RNF220: variants seen among roughly 807,000 people sequenced by gnomAD.
The protein encoded by RNF220 is ring finger protein 220.
A neutral mutation model predicts 67.1 loss-of-function variants in RNF220; 7 were observed. The observed-to-expected ratio is 0.10, with a 90% CI of 0.06 to 0.20. The LOEUF is 0.20. Ranked by LOEUF, RNF220 falls within the 10% of genes least tolerant of loss-of-function variation. RNF220 has a pLI of 1.00. For synonymous variants in RNF220, 270 were observed against 283.2 expected, an observed-to-expected ratio of 0.95 and a Z score of 0.47; for missense variants, 565 against 740.3, an observed-to-expected ratio of 0.76 and a Z score of 2.75.
intron 6 of RNF220, 149 bp from the exon 7 acceptor site, chr1:44,635,396 G>C (rs1175784098): frequency 3.3e-6 from 4 of 1,223,238 alleles, no homozygotes; most frequent in Non-Finnish European, 4.5e-6. Flanking sequence ...AAAGGAGCAG[G>C]AGGTATTTCA....
At chr1:44,583,347 C>A (rs969510767) in intron 2 of RNF220, among the ~76,000 whole-genome samples, 15 of 152,164 alleles carry the variant, frequency 9.9e-5, no homozygotes, top group Non-Finnish European at 2.1e-4. Flanking sequence ...TTGCCCTTGG[C>A]TTCTCGCAAA....
At chr1:44,504,635 G>A (rs1658247668) in intron 2 of RNF220, among the ~76,000 whole-genome samples, 1 of 152,120 alleles carries the variant, frequency 6.6e-6, no homozygotes. Context: ...GTGAGGGAGA[G>A]AGCAAAGTCC....
chr1:44,410,153 C>T (rs1647823492), intron 1 of RNF220, among the ~76,000 whole-genome samples: 1 of 150,908 alleles, frequency 6.6e-6, no homozygotes, highest in African/African-American at 2.4e-5. Flanking sequence ...TGGGGGGGGT[C>T]GTATTTTGAG....
At chr1:44,494,031 A>AC (rs1348753931) in intron 2 of RNF220, among the ~76,000 whole-genome samples, 1 of 151,978 alleles carries the variant, frequency 6.6e-6, no homozygotes, top group East Asian at 1.9e-4. Context: ...ATATCGTGAA[A>AC]CCCCATCTCT....
chr1:44,503,308 T>C lies in RNF220; in HGVS notation c.625+90586T>C, dbSNP rs560944180. 1.2e-4 allele frequency among the ~76,000 whole-genome samples: 15 copies of C among 121,938 alleles called. 1 individual carries two copies. The East Asian group carries it at 3.4e-3, about 28-fold the overall frequency. 80.0% of individuals were successfully genotyped at this position (121,938 alleles called of 152,430 possible). On this transcript the variant is annotated intron_variant, in intron 2 of 14. Coordinates refer to ENST00000361799, the MANE Select transcript of RNF220 (RefSeq NM_018150.4). Reference sequence around the variant, plus strand: ...GAGATTGCGCTACTGCACTCCAGCCTGGGTGACAGAGCCAGATGCTGTCTC... The same window carrying C: ...GAGATTGCGCTACTGCACTCCAGCCCGGGTGACAGAGCCAGATGCTGTCTC...
intron 2 of RNF220, among the ~76,000 whole-genome samples, chr1:44,511,948 T>TGTG (rs56087559): frequency 6.6e-6 from 1 of 151,510 alleles, no homozygotes; most frequent in African/African-American, 2.4e-5. Context: ...TGTGTGTGTG[T>TGTG]AAGTATGCCT....
At chr1:44,490,950 A>G (rs1279104174) in intron 2 of RNF220, among the ~76,000 whole-genome samples, 1 of 152,204 alleles carries the variant, frequency 6.6e-6, no homozygotes, top group Non-Finnish European at 1.5e-5. Context: ...AGAGAATATT[A>G]TGTACAAATA....
intron 2 of RNF220, among the ~76,000 whole-genome samples, chr1:44,532,423 A>G (rs1045837059): frequency 6.6e-6 from 1 of 152,148 alleles, no homozygotes; most frequent in African/African-American, 2.4e-5. Flanking sequence ...TTGAGTCCCC[A>G]CTATATACCA....
At chr1:44,436,030 A>G (rs961082280) in intron 2 of RNF220, among the ~76,000 whole-genome samples, 2 of 152,176 alleles carry the variant, frequency 1.3e-5, no homozygotes, top group African/African-American at 4.8e-5. Flanking sequence ...GGAGGAGTCA[A>G]ATCCCTCTCC....
At chr1:44,602,769 G>A (rs1005577052) in intron 2 of RNF220, among the ~76,000 whole-genome samples, 4 of 151,612 alleles carry the variant, frequency 2.6e-5, no homozygotes, top group Admixed American at 1.3e-4. Context: ...CACCCCATCC[G>A]GCCTGAGTGA....
chr1:44,473,078 C>T (rs1385036352), intron 2 of RNF220, among the ~76,000 whole-genome samples: 1 of 152,166 alleles, frequency 6.6e-6, no homozygotes, highest in Non-Finnish European at 1.5e-5. Context: ...CCTGGGACTA[C>T]ACTAGGCAGG....
intron 2 of RNF220, among the ~76,000 whole-genome samples, chr1:44,441,216 C>T (rs1490102319): frequency 2.0e-5 from 3 of 152,166 alleles, no homozygotes; most frequent in African/African-American, 4.8e-5. Context: ...CGTGCCTCCC[C>T]ATCCCTAAGC....
At chr1:44,521,520 C>T (rs1033893766) in intron 2 of RNF220, among the ~76,000 whole-genome samples, 4 of 152,252 alleles carry the variant, frequency 2.6e-5, no homozygotes, top group Admixed American at 2.6e-4. Flanking sequence ...ATAAGCTGAC[C>T]TGAAAGACTG....
At chr1:44,514,492 C>T (rs1659295865) in intron 2 of RNF220, among the ~76,000 whole-genome samples, 1 of 152,204 alleles carries the variant, frequency 6.6e-6, no homozygotes, top group Non-Finnish European at 1.5e-5. Flanking sequence ...TAGGCTTCCT[C>T]CATTGTGAGC....
intron 2 of RNF220, among the ~76,000 whole-genome samples, chr1:44,605,023 C>T (rs768471992): frequency 5.3e-5 from 8 of 152,122 alleles, no homozygotes; most frequent in Non-Finnish European, 8.8e-5. Flanking sequence ...ATATAGGGGC[C>T]GGGCGCGGTG....
At chr1:44,594,820 A>G (rs1666361948) in intron 2 of RNF220, among the ~76,000 whole-genome samples, 1 of 152,202 alleles carries the variant, frequency 6.6e-6, no homozygotes, top group African/African-American at 2.4e-5. Context: ...GTTGGTTCAA[A>G]GTACTGGAGT....
At chr1:44,510,936 C>T (rs1422215760) in intron 2 of RNF220, among the ~76,000 whole-genome samples, 2 of 152,136 alleles carry the variant, frequency 1.3e-5, no homozygotes, top group Admixed American at 1.3e-4. Context: ...GGTTGTTGCT[C>T]CGAGGTCTAG....
chr1:44,420,865 T>G (rs1048934840), intron 2 of RNF220, among the ~76,000 whole-genome samples: 4 of 152,222 alleles, frequency 2.6e-5, no homozygotes, highest in African/African-American at 9.7e-5. Context: ...TATTCAATAC[T>G]TAGTTACTGT....
intron 2 of RNF220, among the ~76,000 whole-genome samples, chr1:44,522,075 TCTCTA>T (rs144307510): frequency 0.014 from 2,198 of 152,290 alleles, 45 homozygotes; most frequent in African/African-American, 0.05. Context: ...AAAAATCTTG[TCTCTA>T]CTCTGTCTTG....
Sources: gnomAD v4.1 joint callset for allele counts (sites outside exome capture counted in the v4.1 genomes callset) on GRCh38, gnomAD v4.1.1 for gene constraint, MANE v1.5 for transcripts, NCBI Gene and HGNC (gene_info 2026-07-23, HGNC 2026-07-21) for gene names.